Variants in FGF12 observed in about 807,000 individuals in gnomAD.
FGF12 encodes the protein fibroblast growth factor 12.
A neutral mutation model predicts 23.6 loss-of-function variants in FGF12; 14 were observed. The observed-to-expected ratio is 0.59, with a 90% CI of 0.39 to 0.93. The LOEUF (loss-of-function observed/expected upper bound fraction) is 0.93, where lower values mean the gene tolerates loss of function less well. Among genes scored for constraint, FGF12 ranks in the 40% least tolerant of loss-of-function variants. The probability of loss-of-function intolerance (pLI) is 0.00; values close to 1 mark genes in which losing one functional copy is unlikely to be tolerated. For missense variants in FGF12, 175 were observed against 217.8 expected (o/e 0.80, Z 1.24); for synonymous variants, 62 against 77.3 (o/e 0.80, Z 1.04).
chr3:192,679,426 C>T (rs1031644822), intron 2 of FGF12, among the ~76,000 whole-genome samples: 7 of 152,174 alleles, frequency 4.6e-5, no homozygotes, highest in East Asian at 1.9e-4. Context: ...GGCAAAAGCC[C>T]ATCTCTACAA....
chr3:192,229,466 A>T (rs979411588), intron 4 of FGF12, among the ~76,000 whole-genome samples: 9 of 151,928 alleles, frequency 5.9e-5, no homozygotes, highest in African/African-American at 2.2e-4. Flanking sequence ...AAACCTCATA[A>T]CCTACTATTG....
At chr3:192,695,243 C>A (rs1349133684) in intron 2 of FGF12, among the ~76,000 whole-genome samples, 1 of 152,076 alleles carries the variant, frequency 6.6e-6, no homozygotes, top group Non-Finnish European at 1.5e-5. Flanking sequence ...TAGCATTTTT[C>A]GTTGTGTCTT....
chr3:192,617,218 A>G (rs1263499210), intron 2 of FGF12, among the ~76,000 whole-genome samples: 1 of 152,054 alleles, frequency 6.6e-6, no homozygotes, highest in African/African-American at 2.4e-5. Flanking sequence ...AGACTTAAGG[A>G]GAATAGGCTA....
At position 192,654,896 on chromosome 3, in the gene FGF12, GA is replaced by G. The variant is rs935437588; in HGVS notation, c.13+72284del. ...TCAGCCACTTCTGACAGATCAGTGT[GA>G]AAAAAAAAATAGTCAACTAGATTGA... On this transcript the variant is annotated intron_variant, in intron 2 of 5. Coordinates refer to ENST00000445105, the MANE Select transcript of FGF12 (RefSeq NM_004113.6). Among the ~76,000 whole-genome samples, 1,252 of 149,056 alleles carry G rather than the reference GA, an allele frequency of 8.4e-3. 21 individuals are homozygous for G. The highest frequency in any genetic ancestry group is 0.03 in the African/African-American group (1,212 of 40,738).
intron 4 of FGF12, among the ~76,000 whole-genome samples, chr3:192,285,463 T>C (rs1317059142): frequency 1.3e-5 from 2 of 152,092 alleles, no homozygotes; most frequent in Non-Finnish European, 2.9e-5. Flanking sequence ...CATGAGTAAA[T>C]TAAATATCAT....
chr3:192,628,230 G>C (rs1049112218), intron 2 of FGF12, among the ~76,000 whole-genome samples: 2 of 151,984 alleles, frequency 1.3e-5, no homozygotes, highest in Non-Finnish European at 2.9e-5. Context: ...ATGTAACACA[G>C]TTTGTTAAAC....
intron 4 of FGF12, among the ~76,000 whole-genome samples, chr3:192,213,323 G>C (rs964489729): frequency 6.6e-6 from 1 of 151,944 alleles, no homozygotes; most frequent in African/African-American, 2.4e-5. Context: ...AGGGAGCTCT[G>C]GATGAATCAG....
At chr3:192,357,170 T>C (rs1718508623) in intron 3 of FGF12, among the ~76,000 whole-genome samples, 1 of 152,154 alleles carries the variant, frequency 6.6e-6, no homozygotes, top group African/African-American at 2.4e-5. Context: ...TTCTGAAGTC[T>C]TAAATGATTT....
chr3:192,361,526 C>A (rs1718726686), intron 2 of FGF12, among the ~76,000 whole-genome samples: 2 of 152,120 alleles, frequency 1.3e-5, no homozygotes, highest in Non-Finnish European at 2.9e-5. Flanking sequence ...CATATGATTG[C>A]TGAAGTAACA....
At chr3:192,668,318 T>C (rs930196951) in intron 2 of FGF12, among the ~76,000 whole-genome samples, 3 of 152,106 alleles carry the variant, frequency 2.0e-5, no homozygotes, top group Non-Finnish European at 2.9e-5. Flanking sequence ...GAGACAAAAC[T>C]ACTATTCTAC....
chr3:192,220,163 A>C (rs1171886920), intron 4 of FGF12, among the ~76,000 whole-genome samples: 1 of 152,032 alleles, frequency 6.6e-6, no homozygotes, highest in Non-Finnish European at 1.5e-5. Flanking sequence ...TACTGTTGAC[A>C]GTTTTGTCTT....
chr3:192,709,174 C>A (rs769830347), intron 2 of FGF12, among the ~76,000 whole-genome samples: 1 of 152,190 alleles, frequency 6.6e-6, no homozygotes, highest in Non-Finnish European at 1.5e-5. Context: ...ATCCAGACAA[C>A]TATCCCCTGA....
chr3:192,238,593 C>T (rs1197048413), intron 4 of FGF12: 2 of 152,088 alleles, frequency 1.3e-5, no homozygotes, highest in East Asian at 3.9e-4. Flanking sequence ...AGCAGAAAGA[C>T]TTCAATTATT....
intron 4 of FGF12, among the ~76,000 whole-genome samples, chr3:192,268,281 T>TCTA (rs553003549): frequency 7.2e-5 from 11 of 152,152 alleles, no homozygotes; most frequent in Non-Finnish European, 1.3e-4. Flanking sequence ...CCTTCAAGCA[T>TCTA]CTACTCCATC....
intron 2 of FGF12, among the ~76,000 whole-genome samples, chr3:192,523,896 A>T (rs1329280761): frequency 6.6e-6 from 1 of 152,212 alleles, no homozygotes. Context: ...ATGTAAAACC[A>T]CATAGCAGTA....
chr3:192,439,216 T>G (rs1224785768), intron 2 of FGF12, among the ~76,000 whole-genome samples: 2 of 152,208 alleles, frequency 1.3e-5, no homozygotes, highest in Non-Finnish European at 2.9e-5. Context: ...CCTTCAGAAA[T>G]TCACTGACCT....
intron 2 of FGF12, among the ~76,000 whole-genome samples, chr3:192,479,496 C>T (rs938508605): frequency 1.3e-5 from 2 of 152,020 alleles, no homozygotes; most frequent in South Asian, 4.1e-4. Context: ...TATCTATTTT[C>T]TCTTTCACCA....
At chr3:192,226,470 C>T (rs1297819223) in intron 4 of FGF12, among the ~76,000 whole-genome samples, 1 of 152,124 alleles carries the variant, frequency 6.6e-6, no homozygotes, top group Non-Finnish European at 1.5e-5. Context: ...AATGCCATTA[C>T]TGCAGCCATT....
chr3:192,315,124 T>C (rs902463424), intron 4 of FGF12, among the ~76,000 whole-genome samples: 1 of 152,308 alleles, frequency 6.6e-6, no homozygotes, highest in South Asian at 2.1e-4. Context: ...GTTTTTTGTT[T>C]GGTGCAGAAA....
Sources: allele counts gnomAD v4.1 joint callset (sites outside exome capture counted in the v4.1 genomes callset), GRCh38; gene constraint gnomAD v4.1.1; transcripts MANE v1.5; gene names NCBI Gene and HGNC (gene_info 2026-07-23, HGNC 2026-07-21).